The following UNC13C variants were observed in gnomAD, a reference collection of about 807,000 sequenced individuals.
The protein encoded by UNC13C is unc-13 homolog C.
Under a neutral mutation model 245.4 loss-of-function variants are expected in UNC13C, and 174 were observed. The ratio of observed to expected loss-of-function variants is 0.71; its 90% confidence interval spans 0.63 to 0.80. The LOEUF is 0.80. Among genes scored for constraint, UNC13C ranks in the 30% least tolerant of loss-of-function variants. UNC13C has a pLI of 0.00. For synonymous variants in UNC13C, 992 were observed against 895.1 expected (o/e 1.11, Z -1.93); for missense variants, 2,829 against 2,602.9 (o/e 1.09, Z -1.89).
intron 2 of UNC13C, among the ~76,000 whole-genome samples, chr15:54,109,458 C>T (rs563599798): frequency 6.6e-6 from 1 of 151,252 alleles, no homozygotes; most frequent in South Asian, 2.1e-4. Flanking sequence ...TCTCCTGCCT[C>T]AGCCTCCCAA....
intron 20 of UNC13C, among the ~76,000 whole-genome samples, chr15:54,499,550 A>C (rs993219000): frequency 1.3e-5 from 2 of 152,114 alleles, no homozygotes; most frequent in Admixed American, 1.3e-4. Flanking sequence ...GTTCTAAATA[A>C]ATGGTGCTAG....
At chr15:54,398,343 T>G (rs901731108) in intron 18 of UNC13C, among the ~76,000 whole-genome samples, 13 of 151,410 alleles carry the variant, frequency 8.6e-5, no homozygotes. Flanking sequence ...TAATATTATA[T>G]TTTATTGATA....
intron 19 of UNC13C, among the ~76,000 whole-genome samples, chr15:54,470,222 A>G (rs1022696036): frequency 6.6e-6 from 1 of 151,406 alleles, no homozygotes; most frequent in Non-Finnish European, 1.5e-5. Flanking sequence ...AAATAAATGT[A>G]TCTGTCTGGC....
rs76779947 is a variant in UNC13C at position 54,362,420 on chromosome 15, G to C, written c.4713+23931G>C. Among the ~76,000 whole-genome samples, 570 of 152,272 alleles carry C rather than the reference G, an allele frequency of 3.7e-3. 4 individuals are homozygous for C. Among genetic ancestry groups the C allele is most frequent in the African/African-American group, 0.013 (537 of 41,560 alleles). On this transcript the variant is annotated intron_variant, in intron 17 of 32. Transcript: ENST00000260323. ...TCTCCTACTGGTCATGCCTTCTCTCGATACTGTAGGCCCAAGAGATTTCTT... is the reference window on the plus strand; with the variant it reads ...TCTCCTACTGGTCATGCCTTCTCTCCATACTGTAGGCCCAAGAGATTTCTT...
chr15:54,169,155 G>A (rs989855634), intron 4 of UNC13C, among the ~76,000 whole-genome samples: 3 of 152,138 alleles, frequency 2.0e-5, no homozygotes, highest in African/African-American at 7.2e-5. Flanking sequence ...TTGCTTAAAA[G>A]TTTTTCAAAT....
intron 19 of UNC13C, among the ~76,000 whole-genome samples, chr15:54,444,627 T>C (rs886900147): frequency 6.6e-6 from 1 of 151,756 alleles, no homozygotes; most frequent in African/African-American, 2.4e-5. Context: ...TCCTATTATT[T>C]ATTATTGTGG....
intron 26 of UNC13C, among the ~76,000 whole-genome samples, chr15:54,540,375 C>T (rs115825336): frequency 0.01 from 1,557 of 151,964 alleles, 40 homozygotes; most frequent in African/African-American, 0.035. Context: ...ATCTTTATTG[C>T]CAACCAATAC....
At chr15:54,410,902 C>T (rs1019604481) in intron 18 of UNC13C, among the ~76,000 whole-genome samples, 8 of 152,052 alleles carry the variant, frequency 5.3e-5, no homozygotes, top group Admixed American at 2.0e-4. Context: ...ATGTCATTTG[C>T]CAAACTGCTT....
chr15:54,324,656 A>C (rs2038247312), intron 14 of UNC13C, among the ~76,000 whole-genome samples: 1 of 152,038 alleles, frequency 6.6e-6, no homozygotes, highest in African/African-American at 2.4e-5. Context: ...GTCTCTAAAA[A>C]AAAAGTGATA....
At chr15:54,560,890 A>G (rs1339062575) in intron 29 of UNC13C, among the ~76,000 whole-genome samples, 1 of 152,032 alleles carries the variant, frequency 6.6e-6, no homozygotes, top group African/African-American at 2.4e-5. Flanking sequence ...AAGCAGGCAT[A>G]TAGAAAACGC....
At chr15:54,019,059 GC>G in intron 2 of UNC13C, among the ~76,000 whole-genome samples, 1 of 152,206 alleles carries the variant, frequency 6.6e-6, no homozygotes, top group East Asian at 1.9e-4. Flanking sequence ...TATATATTAG[GC>G]CCTTTCCAGG....
intron 26 of UNC13C, among the ~76,000 whole-genome samples, chr15:54,535,310 G>A (rs1851002): frequency 0.026 from 3,894 of 152,048 alleles, 65 homozygotes; most frequent in Non-Finnish European, 0.042. Context: ...AATTCAACAA[G>A]ACTTAGCTAT....
chr15:54,304,186 T>C (rs1195039256), intron 13 of UNC13C, among the ~76,000 whole-genome samples: 1 of 152,098 alleles, frequency 6.6e-6, no homozygotes, highest in Non-Finnish European at 1.5e-5. Context: ...GGCTGTGTGC[T>C]GATAAAACTT....
At chr15:53,963,293 C>T in the UNC13C span, among the ~76,000 whole-genome samples, 1 of 152,190 alleles carries the variant, frequency 6.6e-6, no homozygotes, top group Admixed American at 6.5e-5. Context: ...GCCTACCAAA[C>T]TTATACTGAG....
the UNC13C span, among the ~76,000 whole-genome samples, chr15:53,939,596 C>T: frequency 6.6e-6 from 1 of 152,164 alleles, no homozygotes; most frequent in Non-Finnish European, 1.5e-5. Context: ...CAATAAAATA[C>T]TAGCAAACCG....
At chr15:54,101,654 C>A (rs989088652) in intron 2 of UNC13C, among the ~76,000 whole-genome samples, 1 of 151,932 alleles carries the variant, frequency 6.6e-6, no homozygotes, top group Non-Finnish European at 1.5e-5. Flanking sequence ...TATCTCTGCT[C>A]ACCGCAACCT....
intron 19 of UNC13C, among the ~76,000 whole-genome samples, chr15:54,424,006 T>C (rs1000014377): frequency 6.6e-6 from 1 of 151,850 alleles, no homozygotes; most frequent in Non-Finnish European, 1.5e-5. Context: ...GAAACAGAAA[T>C]ATTTACATGT....
intron 30 of UNC13C, among the ~76,000 whole-genome samples, chr15:54,584,267 G>T (rs1898365116): frequency 6.6e-6 from 1 of 152,160 alleles, no homozygotes; most frequent in Non-Finnish European, 1.5e-5. Flanking sequence ...TGTAAAATGT[G>T]TTTATGATTT....
At chr15:54,007,078 G>A (rs1256882217) in intron 1 of UNC13C, among the ~76,000 whole-genome samples, 3 of 152,154 alleles carry the variant, frequency 2.0e-5, no homozygotes, top group Non-Finnish European at 2.9e-5. Flanking sequence ...CCATATTTAT[G>A]TATCACCCTT....
Sources: gnomAD v4.1 joint callset for allele counts (sites outside exome capture counted in the v4.1 genomes callset) on GRCh38, gnomAD v4.1.1 for gene constraint, MANE v1.5 for transcripts, NCBI Gene and HGNC (gene_info 2026-07-23, HGNC 2026-07-21) for gene names.